AP1S2: variants seen among roughly 807,000 people sequenced by gnomAD.
The protein encoded by AP1S2 is adaptor related protein complex 1 subunit sigma 2, also known as AP-1 complex subunit sigma-2.
Under a neutral mutation model 14.3 loss-of-function variants are expected in AP1S2, and 1 was observed. The observed-to-expected ratio is 0.07, with a 90% CI of 0.02 to 0.33. The LOEUF (loss-of-function observed/expected upper bound fraction) is 0.33. Ranked by LOEUF, AP1S2 falls within the 10% of genes least tolerant of loss-of-function variation. The pLI is 0.99. For missense variants in AP1S2, 30 were observed against 117.7 expected (o/e 0.25, Z 3.45); for synonymous variants, 30 against 40.5 (o/e 0.74, Z 0.99).
At chrX:15,847,714 T>G (rs1039013097) in intron 2 of AP1S2, among the ~76,000 whole-genome samples, 17 of 112,013 alleles carry the variant, frequency 1.5e-4, no homozygotes, top group Admixed American at 9.5e-5. Context: ...CCCTAACCCA[T>G]GCTCATTAAA....
rs769602850 is a variant in AP1S2, at chrX:15,841,210, G to A, written c.426+4169C>T. On this transcript the variant is annotated intron_variant, in intron 4 of 5. Transcript: ENST00000672987. ...CTTAAACTATGTGTTTATACAAATT[G>A]GGTAAGAGAAATTTTTTTTTAATTT... is the stretch of plus-strand genomic sequence containing the variant. Among the ~76,000 whole-genome samples the A allele has an allele frequency of 2.7e-5, 3 of 111,128 alleles. No homozygotes were observed. In the South Asian group the frequency reaches 1.1e-3, roughly 42 times the overall value.
chrX:15,842,389 C>T (rs1049991254), intron 4 of AP1S2, among the ~76,000 whole-genome samples: 3 of 111,749 alleles, frequency 2.7e-5, no homozygotes, highest in Non-Finnish European at 3.8e-5. Flanking sequence ...TTGAGCTTGG[C>T]TTCATAATGG....
chrX:15,827,446 G>T, intron 5 of AP1S2, 74 bp from the exon 6 acceptor site: 1 of 921,628 alleles, frequency 1.1e-6, no homozygotes, highest in Non-Finnish European at 1.6e-6. Context: ...TGACATGGAA[G>T]AACATGCTTG....
intron 4 of AP1S2, among the ~76,000 whole-genome samples, chrX:15,834,331 GAAAA>G (rs1160100860): frequency 1.1e-5 from 1 of 95,158 alleles, no homozygotes; most frequent in African/African-American, 3.9e-5. Flanking sequence ...ATGAATTAAA[GAAAA>G]AAAAAGTCTA....
intron 4 of AP1S2, among the ~76,000 whole-genome samples, chrX:15,834,650 ATTT>A (rs1167300055): frequency 0.019 from 1,564 of 80,367 alleles, 35 homozygotes; most frequent in African/African-American, 0.07. Flanking sequence ...TAATTTTTGT[ATTT>A]TTTTTTTTTT....
Position 15,833,920 on chromosome X carries a change from T to C in AP1S2, c.427-5720A>G, listed in dbSNP as rs753820519. ...GGCACCCGTAGGAAATAGTCACATA[T>C]AATACTCAGCAAACTATCCGTTTCT... On this transcript the variant is annotated intron_variant, in intron 4 of 5. Coordinates refer to ENST00000672987, the MANE Select transcript of AP1S2 (RefSeq NM_001272071.2). 3.6e-5 allele frequency among the ~76,000 whole-genome samples: 4 copies of C among 111,478 alleles called. No homozygotes were observed. The South Asian group carries it at 1.5e-3, about 42-fold the overall frequency.
intron 4 of AP1S2, among the ~76,000 whole-genome samples, chrX:15,838,983 A>G (rs969148046): frequency 1.8e-5 from 2 of 111,587 alleles, no homozygotes; most frequent in African/African-American, 6.5e-5. Flanking sequence ...CCTGGCCTCA[A>G]GTGATCCGCT....
chrX:15,825,808 A>C lies in AP1S2; in HGVS notation c.*1517T>G, dbSNP rs1013047427. 1 of 125,105 alleles carries C rather than the reference A, an allele frequency of 8.0e-6. No individual in the cohort carries two copies. The highest frequency in any genetic ancestry group is 1.6e-5 in the Non-Finnish European group (1 of 60,622). 10.3% of individuals were successfully genotyped at this position (125,105 alleles called of 1,213,427 possible). On this transcript the variant is annotated 3_prime_UTR_variant, in exon 6 of 6. Transcript: ENST00000672987. ...AAAGAGTAGAAAAGTCAACTGCATCAAGGTTTTAAAAGCAGCATTTATTGA... is the reference window on the plus strand; with the variant it reads ...AAAGAGTAGAAAAGTCAACTGCATCCAGGTTTTAAAAGCAGCATTTATTGA...
At chrX:15,849,235 T>C (rs1934093033) in intron 2 of AP1S2, among the ~76,000 whole-genome samples, 1 of 112,592 alleles carries the variant, frequency 8.9e-6, no homozygotes. Flanking sequence ...AAAGGGGGAA[T>C]TTGTATGCCA....
chrX:15,833,382 G>C, intron 4 of AP1S2: 4 of 853,080 alleles, frequency 4.7e-6, no homozygotes, highest in Non-Finnish European at 5.7e-6. Flanking sequence ...AAGGGTTGAT[G>C]ATAAGCCAAA....
chrX:15,854,798 G>T lies in AP1S2; in HGVS notation c.-111C>A. 1 of 797,430 alleles carries T rather than the reference G, an allele frequency of 1.3e-6. No homozygotes were observed. Among genetic ancestry groups the T allele is most frequent in the Non-Finnish European group, 1.5e-6 (1 of 666,695 alleles). The allele number at this position is 797,430 out of a possible 1,213,427, so 65.7% of individuals were successfully genotyped here. A position where few individuals can be genotyped will look rare whatever the true frequency, so the allele number is the denominator to read the frequency against. On this transcript the variant is annotated 5_prime_UTR_variant, in exon 1 of 6. Transcript: ENST00000672987. ...AGAGAAGCCGTGGTGCTGTGGGGAG[G>T]ACACCCGGCTGGCATAGGGCAGGCT... is the stretch of plus-strand genomic sequence containing the variant.
At chrX:15,840,555 T>C (rs1933797143) in intron 4 of AP1S2, 1 of 981,258 alleles carries the variant, frequency 1.0e-6, no homozygotes, top group East Asian at 7.5e-5. Flanking sequence ...TATCATAAGA[T>C]ATCCTCAGAC....
At chrX:15,838,744 T>TTTTATTTA (rs1019463240) in intron 4 of AP1S2, among the ~76,000 whole-genome samples, 1 of 110,754 alleles carries the variant, frequency 9.0e-6, no homozygotes, top group Non-Finnish European at 1.9e-5. Flanking sequence ...CAAATTATTA[T>TTTTATTTA]TTTATTTATT....
chrX:15,833,640 C>A (rs1393433161), intron 4 of AP1S2: 12 of 292,333 alleles, frequency 4.1e-5, no homozygotes, highest in Non-Finnish European at 5.1e-5. Context: ...TTATAAATGC[C>A]TTAAGGACCA....
intron 4 of AP1S2, among the ~76,000 whole-genome samples, chrX:15,844,716 G>A (rs1332100042): frequency 8.9e-6 from 1 of 112,151 alleles, no homozygotes; most frequent in Non-Finnish European, 1.9e-5. Flanking sequence ...AACCCAAGAT[G>A]ACTATGGTAA....
At chrX:15,847,175 T>C (rs1288919331) in intron 2 of AP1S2, among the ~76,000 whole-genome samples, 2 of 111,784 alleles carry the variant, frequency 1.8e-5, no homozygotes, top group Non-Finnish European at 3.8e-5. Context: ...ACAACCTGTT[T>C]TGAGACTCAA....
At chrX:15,845,701 G>C (rs772453110) in intron 3 of AP1S2, among the ~76,000 whole-genome samples, 185 bp from the exon 4 acceptor site, 2 of 111,066 alleles carry the variant, frequency 1.8e-5, no homozygotes, top group Admixed American at 1.9e-4. Context: ...TCAAGTACTT[G>C]AAAACATATT....
intron 2 of AP1S2, among the ~76,000 whole-genome samples, chrX:15,847,354 G>C: frequency 9.1e-6 from 1 of 110,030 alleles, no homozygotes. Context: ...AGAGTACAGC[G>C]CCTACAAGTG....
chrX:15,835,230 A>G (rs887180921), intron 4 of AP1S2, among the ~76,000 whole-genome samples: 1 of 112,629 alleles, frequency 8.9e-6, no homozygotes, highest in African/African-American at 3.2e-5. Context: ...AAATATAAAT[A>G]AGTGTAATTT....
Sources: allele counts gnomAD v4.1 joint callset (sites outside exome capture counted in the v4.1 genomes callset), GRCh38; gene constraint gnomAD v4.1.1; transcripts MANE v1.5; gene names NCBI Gene and HGNC (gene_info 2026-07-23, HGNC 2026-07-21).